Variants in SHOC2 observed in about 807,000 individuals in gnomAD.
SHOC2 encodes the protein leucine-rich repeat protein SHOC-2.
In SHOC2, 4 loss-of-function variants were observed where a neutral mutation model predicts 50.2. The ratio of observed to expected loss-of-function variants is 0.08; its 90% CI spans 0.04 to 0.18. SHOC2 has a LOEUF of 0.18. SHOC2 is among the 10% of genes least tolerant of loss of function. The pLI is 1.00. For synonymous variants in SHOC2, 218 were observed against 244.5 expected (o/e 0.89, Z 1.01); for missense variants, 388 against 669.6 (o/e 0.58, Z 4.64).
chr10:110,929,211 C>A (rs763957476), intron 1 of SHOC2, among the ~76,000 whole-genome samples: 3 of 152,046 alleles, frequency 2.0e-5, no homozygotes, highest in Non-Finnish European at 4.4e-5. Context: ...AAAAATTGTT[C>A]ATTAGCACAT....
chr10:111,009,654 G>C (rs1484038374), intron 7 of SHOC2, 59 bp from the exon 8 acceptor site: 2 of 1,065,606 alleles, frequency 1.9e-6, no homozygotes, highest in Non-Finnish European at 2.9e-6. Flanking sequence ...ATTATTTTCA[G>C]TTTACATTAA....
At chr10:110,966,378 T>C (rs1847675413) in intron 2 of SHOC2, among the ~76,000 whole-genome samples, 1 of 152,130 alleles carries the variant, frequency 6.6e-6, no homozygotes, top group African/African-American at 2.4e-5. Context: ...GTTGAATGAC[T>C]TGTTTTAGTG....
At chr10:110,968,359 G>T (rs1342471315) in intron 2 of SHOC2, among the ~76,000 whole-genome samples, 1 of 152,002 alleles carries the variant, frequency 6.6e-6, no homozygotes. Context: ...TATAAAATAA[G>T]ACCTGTGCTC....
chr10:110,982,400 T>A (rs1159419422), intron 2 of SHOC2, among the ~76,000 whole-genome samples: 1 of 151,732 alleles, frequency 6.6e-6, no homozygotes, highest in East Asian at 1.9e-4. Context: ...CAAATGGTAT[T>A]TCCAGTTCTA....
chr10:110,970,822 T>C (rs980347616), intron 2 of SHOC2, among the ~76,000 whole-genome samples: 1 of 151,984 alleles, frequency 6.6e-6, no homozygotes, highest in African/African-American at 2.4e-5. Context: ...CCCTGATGAT[T>C]AGTGATGTTG....
At chr10:110,958,359 G>T (rs1192860077) in intron 1 of SHOC2, among the ~76,000 whole-genome samples, 1 of 151,970 alleles carries the variant, frequency 6.6e-6, no homozygotes, top group Non-Finnish European at 1.5e-5. Context: ...GACTACAGGT[G>T]TGCACCACCA....
chr10:110,960,873 C>G (rs1847557822), intron 1 of SHOC2, among the ~76,000 whole-genome samples: 1 of 152,096 alleles, frequency 6.6e-6, no homozygotes, highest in South Asian at 2.1e-4. Context: ...GATGGCGTTT[C>G]ACCATGTTGG....
intron 1 of SHOC2, chr10:110,936,589 C>CTTTTT (rs376101415): frequency 2.5e-4 from 106 of 423,366 alleles, no homozygotes; most frequent in African/African-American, 6.9e-4. Flanking sequence ...TTTTCTTTTC[C>CTTTTT]TTTTTTTTTT....
chr10:110,979,405 G>A (rs1847932246), intron 2 of SHOC2, among the ~76,000 whole-genome samples: 1 of 152,174 alleles, frequency 6.6e-6, no homozygotes, highest in South Asian at 2.1e-4. Flanking sequence ...TAAGAAGCAA[G>A]TCACTAAGTT....
exon 1 of SHOC2, chr10:110,919,597 GGAGGAGGAA>G (rs1463991571): frequency 2.5e-6 from 1 of 397,568 alleles, no homozygotes; most frequent in Non-Finnish European, 4.4e-6. Flanking sequence ...CTTCTTAGGA[GGAGGAGGAA>G]GAGGAGGAAG....
At chr10:110,940,354 C>T (rs1478811964) in intron 1 of SHOC2, among the ~76,000 whole-genome samples, 6 of 152,116 alleles carry the variant, frequency 3.9e-5, no homozygotes, top group Admixed American at 3.9e-4. Flanking sequence ...AGATGCGTAA[C>T]TCTCACATAC....
intron 1 of SHOC2, among the ~76,000 whole-genome samples, chr10:110,940,057 A>C (rs557751577): frequency 5.8e-4 from 88 of 152,350 alleles, no homozygotes; most frequent in Admixed American, 1.0e-3. Context: ...ATTTAGACAT[A>C]ATGTATTATT....
At chr10:111,000,217 C>T (rs902880430) in intron 3 of SHOC2, among the ~76,000 whole-genome samples, 198 bp from the exon 4 acceptor site, 1 of 151,882 alleles carries the variant, frequency 6.6e-6, no homozygotes, top group Non-Finnish European at 1.5e-5. Flanking sequence ...ATTATTTCTC[C>T]GAGACAAGTG....
intron 8 of SHOC2, among the ~76,000 whole-genome samples, chr10:111,011,360 A>G (rs1412001610): frequency 6.6e-6 from 1 of 152,130 alleles, no homozygotes; most frequent in Non-Finnish European, 1.5e-5. Context: ...GACCTACCAT[A>G]AAGGAGGAGG....
At chr10:110,954,406 G>A (rs1847417456) in intron 1 of SHOC2, among the ~76,000 whole-genome samples, 1 of 152,104 alleles carries the variant, frequency 6.6e-6, no homozygotes, top group Admixed American at 6.6e-5. Flanking sequence ...AAATGTTTAT[G>A]TTAGCATCAA....
rs1355581834 is a variant in SHOC2, at chr10:111,013,306, T to TG, written c.*1488_*1489insG. The TG allele has an allele frequency of 4.9e-5, 6 of 123,294 alleles. No homozygotes were observed. Among genetic ancestry groups the TG allele is most frequent in the African/African-American group, 1.1e-4 (3 of 26,698 alleles). The allele number at this position is 123,294 out of a possible 1,614,324, so 7.6% of individuals were successfully genotyped here. ...ATAATTACATATTGCTGCTTGTGTGTTTTTTTTTTTTTCCATTTAGTTGGG... is the reference window on the plus strand; with the variant it reads ...ATAATTACATATTGCTGCTTGTGTGTGTTTTTTTTTTTTCCATTTAGTTGGG... On this transcript the variant is annotated 3_prime_UTR_variant, in exon 9 of 9. Coordinates refer to ENST00000369452, the MANE Select transcript of SHOC2 (RefSeq NM_007373.4).
At chr10:111,001,824 G>A (rs1011712669) in intron 4 of SHOC2, among the ~76,000 whole-genome samples, 3 of 152,076 alleles carry the variant, frequency 2.0e-5, no homozygotes, top group African/African-American at 7.2e-5. Flanking sequence ...GATCACTTGA[G>A]GTTAGGAGCT....
At chr10:110,924,025 T>C (rs1207520105) in intron 1 of SHOC2, among the ~76,000 whole-genome samples, 1 of 152,238 alleles carries the variant, frequency 6.6e-6, no homozygotes, top group Non-Finnish European at 1.5e-5. Context: ...ATTTGGGTTT[T>C]TTTCAGTTTC....
chr10:111,004,850 A>G (rs983255477), intron 5 of SHOC2, 56 bp downstream of exon 5: 1 of 1,186,434 alleles, frequency 8.4e-7, no homozygotes, highest in Non-Finnish European at 1.2e-6. Flanking sequence ...TACTTCCACT[A>G]ATATTTATGT....
Sources: gnomAD v4.1 joint callset for allele counts (sites outside exome capture counted in the v4.1 genomes callset) on GRCh38, gnomAD v4.1.1 for gene constraint, MANE v1.5 for transcripts, NCBI Gene and HGNC (gene_info 2026-07-23, HGNC 2026-07-21) for gene names.